BTNL8: variants seen among roughly 807,000 people sequenced by gnomAD.
The protein encoded by BTNL8 is butyrophilin like 8.
Under a neutral mutation model 36.1 loss-of-function variants are expected in BTNL8, and 22 were observed. The observed-to-expected ratio is 0.61, with a 90% CI of 0.44 to 0.87. BTNL8 has a LOEUF of 0.87. Among genes scored for constraint, BTNL8 ranks in the 40% least tolerant of loss-of-function variants. The pLI is 0.00. For synonymous variants in BTNL8, 203 were observed against 235.6 expected, an observed-to-expected ratio of 0.86 and a Z score of 1.27; for missense variants, 526 against 616.9, an observed-to-expected ratio of 0.85 and a Z score of 1.56.
intron 5 of BTNL8, 158 bp downstream of exon 5, chr5:180,948,533 T>G: frequency 6.2e-7 from 1 of 1,600,820 alleles, no homozygotes; most frequent in Non-Finnish European, 8.5e-7. Flanking sequence ...CCACTGCTCA[T>G]GAGTTACCCC....
intron 1 of BTNL8, among the ~76,000 whole-genome samples, chr5:180,903,140 A>G (rs1756906199): frequency 8.3e-6 from 1 of 120,700 alleles, no homozygotes; most frequent in Non-Finnish European, 1.6e-5. Flanking sequence ...CAGTCCCACC[A>G]ACAGTGTAAA....
chr5:180,936,883 CAT>C (rs1449657746), intron 3 of BTNL8, among the ~76,000 whole-genome samples: 3 of 152,212 alleles, frequency 2.0e-5, no homozygotes, highest in Non-Finnish European at 4.4e-5. Flanking sequence ...GTACACCACA[CAT>C]GTTCCCCAGG....
At chr5:180,911,268 C>T in intron 2 of BTNL8, 71 bp from the exon 3 acceptor site, 1 of 1,576,424 alleles carries the variant, frequency 6.3e-7, no homozygotes, top group Middle Eastern at 2.2e-4. Context: ...GGACTGAATG[C>T]ACCTGACTCA....
chr5:180,943,812 A>G (rs150078515), intron 3 of BTNL8, among the ~76,000 whole-genome samples: 1,833 of 152,346 alleles, frequency 0.012, 45 homozygotes, highest in African/African-American at 0.042. Flanking sequence ...CACTATTCAC[A>G]ATAGCTAAGA....
intron 3 of BTNL8, among the ~76,000 whole-genome samples, chr5:180,914,778 G>A (rs1380453254): frequency 1.3e-5 from 2 of 152,174 alleles, no homozygotes; most frequent in African/African-American, 4.8e-5. Flanking sequence ...AAGTATTTTT[G>A]TAGGAGTCTA....
intron 4 of BTNL8, chr5:180,947,841 A>G: frequency 2.7e-6 from 4 of 1,482,698 alleles, no homozygotes; most frequent in Non-Finnish European, 3.7e-6. Context: ...ATTTAGGTCA[A>G]ATAATAAGGG....
intron 3 of BTNL8, among the ~76,000 whole-genome samples, chr5:180,912,325 C>T (rs1582019972): frequency 6.6e-6 from 1 of 152,094 alleles, no homozygotes; most frequent in Non-Finnish European, 1.5e-5. Flanking sequence ...AAAGAGCTTC[C>T]ATGATGTATG....
intron 3 of BTNL8, among the ~76,000 whole-genome samples, chr5:180,941,097 G>GAA: frequency 6.9e-5 from 6 of 87,312 alleles, no homozygotes. Flanking sequence ...AGGGAGGGAG[G>GAA]GAGGAAGGAA....
chr5:180,901,083 C>T (rs1043470438), intron 1 of BTNL8, among the ~76,000 whole-genome samples: 2 of 152,218 alleles, frequency 1.3e-5, no homozygotes, highest in Non-Finnish European at 2.9e-5. Context: ...AGGGCCTCAA[C>T]ATCTGCTACA....
intron 3 of BTNL8, among the ~76,000 whole-genome samples, chr5:180,913,468 C>T (rs1205122690): frequency 6.6e-6 from 1 of 152,178 alleles, no homozygotes; most frequent in Non-Finnish European, 1.5e-5. Context: ...AAGTGTACTA[C>T]ACTCCAAAAG....
At chr5:180,937,419 C>T (rs1252424049) in intron 3 of BTNL8, among the ~76,000 whole-genome samples, 2 of 152,132 alleles carry the variant, frequency 1.3e-5, no homozygotes, top group African/African-American at 2.4e-5. Context: ...GAAGCAGTTA[C>T]ATGGAAATTA....
chr5:180,948,413 T>C (rs1439782365), intron 5 of BTNL8, 38 bp downstream of exon 5: 2 of 1,543,222 alleles, frequency 1.3e-6, no homozygotes, highest in Non-Finnish European at 1.8e-6. Context: ...CCACACATGG[T>C]TCTCCCGGGT....
intron 3 of BTNL8, among the ~76,000 whole-genome samples, chr5:180,913,587 A>G (rs1757500484): frequency 6.6e-6 from 1 of 152,244 alleles, no homozygotes. Flanking sequence ...GGCTCAAACC[A>G]CATGTAATGG....
In BTNL8 at chr5:180,950,653, TG is replaced by T; in HGVS notation, c.*110del. The T allele has an allele frequency of 8.7e-7, 1 of 1,142,942 alleles. No individual in the cohort carries two copies. The highest frequency in any genetic ancestry group is 1.2e-6 in the Non-Finnish European group (1 of 815,554). The allele number at this position is 1,142,942 out of a possible 1,614,324, so 70.8% of individuals were successfully genotyped here. On this transcript the variant is annotated 3_prime_UTR_variant, in exon 8 of 8. Transcript: ENST00000340184. ...GCTTCCAGATGAAGGGGGACTGGCC[TG>T]TCCACATGGGAGTCAGGTGTCATGG...
rs1431677697 is a variant in BTNL8, at chr5:180,950,127, G to A, written c.1086G>A (p.Val362=). The A allele has an allele frequency of 2.7e-6, 4 of 1,462,802 alleles. 1 individual carries two copies. The East Asian group carries it at 7.3e-5, about 27-fold the overall frequency. 90.6% of individuals were successfully genotyped at this position (1,462,802 alleles called of 1,614,324 possible). ...GCGTGGGAGTGTGCCGGGATGATGT[G>A]GACAGGAGGAAGGAGTACGTGACTT... The part of the protein sequence containing the change: ...RWRVGVCRDD[V]DRRKEYVTLS... Residue 362 remains valine, a synonymous_variant, in exon 8 of 8, where the codon GTG becomes GTA. Transcript: ENST00000340184.
chr5:180,917,389 T>C (rs113893737), intron 3 of BTNL8, among the ~76,000 whole-genome samples: 21 of 22,596 alleles, frequency 9.3e-4, no homozygotes, highest in Non-Finnish European at 1.1e-3. Context: ...TGAAAAATCA[T>C]AGGCCAACAA....
At position 180,949,746 on chromosome 5, in the gene BTNL8, A is replaced by T; in HGVS notation, c.863-158A>T. The T allele has an allele frequency of 2.2e-6, 2 of 923,488 alleles. 1 individual carries two copies. The highest frequency in any genetic ancestry group is 3.2e-6 in the Non-Finnish European group (2 of 623,494). The allele number at this position is 923,488 out of a possible 1,614,324, so 57.2% of individuals were successfully genotyped here. A position where few individuals can be genotyped will look rare whatever the true frequency, so the allele number is the denominator to read the frequency against. ...ATGAGTCCTCCAGGCTGCACTGGTG[A>T]TGAGAGGACCTGAAAGGCAGTGTCT... On this transcript the variant is annotated intron_variant, in intron 7 of 7. Coordinates refer to ENST00000340184, the MANE Select transcript of BTNL8 (RefSeq NM_001040462.3).
At chr5:180,917,470 C>T (rs249358) in intron 3 of BTNL8, among the ~76,000 whole-genome samples, 6 of 141,822 alleles carry the variant, frequency 4.2e-5, no homozygotes, top group East Asian at 4.1e-4. Context: ...GGCCAACAAA[C>T]TGGATAACCT....
intron 3 of BTNL8, among the ~76,000 whole-genome samples, chr5:180,945,407 AT>A (rs1046994710): frequency 6.6e-6 from 1 of 152,154 alleles, no homozygotes; most frequent in African/African-American, 2.4e-5. Context: ...CTTGGCAATA[AT>A]TTTTTTGAAT....
Sources: allele counts gnomAD v4.1 joint callset (sites outside exome capture counted in the v4.1 genomes callset), GRCh38; gene constraint gnomAD v4.1.1; transcripts MANE v1.5; gene names NCBI Gene and HGNC (gene_info 2026-07-23, HGNC 2026-07-21).